TRIO: variants seen among roughly 807,000 people sequenced by gnomAD.
The protein encoded by TRIO is triple functional domain protein.
Under a neutral mutation model 351.9 loss-of-function variants are expected in TRIO, and 58 were observed. That is an observed-to-expected ratio of 0.16 (90% CI 0.13 to 0.21). The LOEUF (loss-of-function observed/expected upper bound fraction) is 0.21, where lower values mean the gene tolerates loss of function less well. Ranked by LOEUF, TRIO falls within the 10% of genes least tolerant of loss-of-function variation. The probability of loss-of-function intolerance (pLI) is 1.00; values close to 1 mark genes in which losing one functional copy is unlikely to be tolerated. For missense variants in TRIO, 3,201 were observed against 4,027.8 expected, an observed-to-expected ratio of 0.79 and a Z score of 5.56; for synonymous variants, 1,758 against 1,595.7, an observed-to-expected ratio of 1.10 and a Z score of -2.42.
intron 1 of TRIO, among the ~76,000 whole-genome samples, chr5:14,163,281 T>G (rs1788581852): frequency 6.6e-6 from 1 of 152,254 alleles, no homozygotes; most frequent in African/African-American, 2.4e-5. Context: ...TTTGGTTTTC[T>G]GTTCCTGTGT....
At chr5:14,476,788 TC>T in intron 40 of TRIO, 105 bp from the exon 41 acceptor site, 1 of 958,392 alleles carries the variant, frequency 1.0e-6, no homozygotes, top group Non-Finnish European at 1.5e-6. Flanking sequence ...AGTGACACTC[TC>T]TCAAAAAAAA....
At position 14,502,572 on chromosome 5, in the gene TRIO, C is replaced by T; in HGVS notation, c.8333-7C>T. 1.2e-6 allele frequency: 2 copies of T among 1,614,134 alleles called. No homozygotes were observed. Among genetic ancestry groups the T allele is most frequent in the Non-Finnish European group, 1.7e-6 (2 of 1,179,996 alleles). ...ACAAGCTCAGGCAGGTGCTGTTCTTCTTGCAGGTCCAGGGATGGATGGGAT... is the reference window on the plus strand; with the variant it reads ...ACAAGCTCAGGCAGGTGCTGTTCTTTTTGCAGGTCCAGGGATGGATGGGAT... On this transcript the variant is annotated splice_polypyrimidine_tract_variant and splice_region_variant and intron_variant, in intron 53 of 56. Coordinates refer to ENST00000344204, the MANE Select transcript of TRIO (RefSeq NM_007118.4).
intron 30 of TRIO, among the ~76,000 whole-genome samples, chr5:14,400,338 A>G (rs965370616): frequency 6.6e-6 from 1 of 152,138 alleles, no homozygotes; most frequent in African/African-American, 2.4e-5. Flanking sequence ...GCTCTGGATG[A>G]TGAATCACTT....
chr5:14,506,274 C>T lies in TRIO; in HGVS notation c.8613-848C>T, dbSNP rs972933919. On this transcript the variant is annotated intron_variant, in intron 55 of 56. Transcript: ENST00000344204. ...GGGAAACAAAATGGTTTGGCCTCAC[C>T]ATCCTGTTAATAGGATCCGTTTTCA... Among the ~76,000 whole-genome samples the T allele has an allele frequency of 1.6e-4, 24 of 152,222 alleles. 1 individual carries two copies. The highest frequency in any genetic ancestry group is 2.8e-4 in the Non-Finnish European group (19 of 68,042).
Position 14,391,008 on chromosome 5 carries a change from A to G in TRIO, c.4218+18A>G, listed in dbSNP as rs765525187. 7.6e-6 allele frequency: 12 copies of G among 1,569,532 alleles called. No individual in the cohort carries two copies. In the South Asian group the frequency reaches 1.2e-4, roughly 16 times the overall value. ...ATTTTGACGTAAGTAATAGATTCCT[A>G]AAGAGACCATAATTTTCCAAGTTGT... On this transcript the variant is annotated intron_variant, in intron 27 of 56. Transcript: ENST00000344204.
intron 27 of TRIO, among the ~76,000 whole-genome samples, chr5:14,392,428 A>G (rs900858244): frequency 1.3e-5 from 2 of 152,210 alleles, no homozygotes; most frequent in Non-Finnish European, 1.5e-5. Context: ...TCAGGAAACA[A>G]CAGATGGTGG....
chr5:14,383,102 G>T lies in TRIO; in HGVS notation c.3570+1850G>T, dbSNP rs188743269. On this transcript the variant is annotated intron_variant, in intron 21 of 56. Transcript: ENST00000344204. ...CAAGGGAGGCTGAGGTGGGAGGATC[G>T]CTTGAGGCCAGGAGTTTGAGACCAG... is the stretch of plus-strand genomic sequence containing the variant. Among the ~76,000 whole-genome samples, 434 of 152,268 alleles carry T rather than the reference G, an allele frequency of 2.9e-3. 9 individuals carry two copies. The highest frequency in any genetic ancestry group is 6.0e-4 in the Non-Finnish European group (41 of 68,024).
intron 1 of TRIO, among the ~76,000 whole-genome samples, chr5:14,261,378 G>A (rs1795335368): frequency 6.6e-6 from 1 of 152,214 alleles, no homozygotes; most frequent in South Asian, 2.1e-4. Context: ...CTTGTGTTCA[G>A]TTAATGTGGC....
chr5:14,184,071 T>G (rs958214827), intron 1 of TRIO: 4 of 663,514 alleles, frequency 6.0e-6, no homozygotes, highest in Middle Eastern at 2.4e-4. Flanking sequence ...TCAGAGCTCC[T>G]AGGCCAGATG....
At chr5:14,182,166 T>C (rs377717792) in intron 1 of TRIO, among the ~76,000 whole-genome samples, 1 of 152,120 alleles carries the variant, frequency 6.6e-6, no homozygotes, top group African/African-American at 2.4e-5. Context: ...GAAGATTTGA[T>C]AAACGAGACT....
chr5:14,161,332 T>A (rs1242245468), intron 1 of TRIO, among the ~76,000 whole-genome samples: 1 of 152,184 alleles, frequency 6.6e-6, no homozygotes, highest in Non-Finnish European at 1.5e-5. Context: ...CTCTTTGTGT[T>A]TGCTGTTCCC....
At chr5:14,200,637 A>G (rs1023196908) in intron 1 of TRIO, among the ~76,000 whole-genome samples, 1 of 152,230 alleles carries the variant, frequency 6.6e-6, no homozygotes, top group East Asian at 1.9e-4. Context: ...AGTAGAGATT[A>G]AAGGACCTAA....
chr5:14,206,220 A>G lies in TRIO; in HGVS notation c.157+62338A>G, dbSNP rs929132426. On this transcript the variant is annotated intron_variant, in intron 1 of 56. Coordinates refer to ENST00000344204, the MANE Select transcript of TRIO (RefSeq NM_007118.4). ...GGACCATGGCATCGCACCACCATAC[A>G]TGGCTAATTTTTTGTATTTGTGGTA... 2.0e-5 allele frequency among the ~76,000 whole-genome samples: 3 copies of G among 151,906 alleles called. No individual in the cohort carries two copies. In the South Asian group the frequency reaches 6.2e-4, roughly 32 times the overall value.
intron 11 of TRIO, among the ~76,000 whole-genome samples, chr5:14,346,203 A>G (rs1742400288): frequency 6.6e-6 from 1 of 152,218 alleles, no homozygotes; most frequent in Non-Finnish European, 1.5e-5. Flanking sequence ...GAACCAGAAG[A>G]TCAAGGAAGG....
rs1752444128 is a variant in TRIO at position 14,446,410 on chromosome 5, CA to C, written c.5204-14603del. 4.6e-5 allele frequency among the ~76,000 whole-genome samples: 7 copies of C among 151,844 alleles called. No homozygotes were observed. The South Asian group carries it at 1.5e-3, about 32-fold the overall frequency. The stretch of plus-strand genomic sequence containing the variant: ...GTGGTGGTTTTAGTATGTGATAACC[CA>C]AAAAAGTGGGAGACAGCTCTCAATA... On this transcript the variant is annotated intron_variant, in intron 34 of 56. Coordinates refer to ENST00000344204, the MANE Select transcript of TRIO (RefSeq NM_007118.4).
intron 34 of TRIO, among the ~76,000 whole-genome samples, chr5:14,459,874 A>G (rs1264395312): frequency 2.0e-5 from 3 of 152,126 alleles, no homozygotes; most frequent in Non-Finnish European, 4.4e-5. Flanking sequence ...CATTTTGGTT[A>G]TTTGAGGAAG....
intron 45 of TRIO, 69 bp downstream of exon 45, chr5:14,481,687 C>A: frequency 6.6e-7 from 1 of 1,525,434 alleles, no homozygotes; most frequent in Non-Finnish European, 9.1e-7. Context: ...TGGATTATTT[C>A]TCTCCACATA....
Position 14,193,777 on chromosome 5 carries a change from C to T in TRIO, c.157+49895C>T, listed in dbSNP as rs77002210. ...GATACATTTATGTGACTAATTTACG[C>T]GAAACTGGAGAATAAGACCTCACAT... On this transcript the variant is annotated intron_variant, in intron 1 of 56. Coordinates refer to ENST00000344204, the MANE Select transcript of TRIO (RefSeq NM_007118.4). Among the ~76,000 whole-genome samples the T allele has an allele frequency of 5.8e-3, 881 of 152,186 alleles. 3 individuals are homozygous for T. Among genetic ancestry groups the T allele is most frequent in the Non-Finnish European group, 0.01 (693 of 68,006 alleles).
intron 47 of TRIO, 106 bp from the exon 48 acceptor site, chr5:14,487,358 G>C: frequency 9.4e-7 from 1 of 1,060,464 alleles, no homozygotes; most frequent in Non-Finnish European, 1.2e-6. Flanking sequence ...GCCCCTGCAC[G>C]GGGTCTGCCC....
Sources: gnomAD v4.1 joint callset for allele counts (sites outside exome capture counted in the v4.1 genomes callset) on GRCh38, gnomAD v4.1.1 for gene constraint, MANE v1.5 for transcripts, NCBI Gene and HGNC (gene_info 2026-07-23, HGNC 2026-07-21) for gene names.